Variants in PALS2 observed in about 807,000 individuals in gnomAD.
PALS2 encodes the protein protein associated with LIN7 2, MAGUK p55 family member, also known as protein PALS2.
A neutral mutation model predicts 61.6 loss-of-function variants in PALS2; 27 were observed. The ratio of observed to expected loss-of-function variants is 0.44; its 90% CI spans 0.32 to 0.60. PALS2 has a LOEUF of 0.60. PALS2 is among the 20% of genes least tolerant of loss of function. The pLI is 0.05. For missense variants in PALS2, 554 were observed against 639.4 expected (o/e 0.87, Z 1.44); for synonymous variants, 236 against 218.6 (o/e 1.08, Z -0.70).
intron 1 of PALS2, among the ~76,000 whole-genome samples, chr7:24,614,077 C>T (rs1375024922): frequency 1.3e-5 from 2 of 151,818 alleles, no homozygotes; most frequent in African/African-American, 4.8e-5. Flanking sequence ...CATTAATACA[C>T]TGATTTCCTG....
chr7:24,636,427 T>G (rs912018172), intron 2 of PALS2, among the ~76,000 whole-genome samples: 2 of 152,118 alleles, frequency 1.3e-5, no homozygotes, highest in African/African-American at 4.8e-5. Context: ...CTGAGTGAAG[T>G]TGTGTGTCTT....
chr7:24,590,068 A>G (rs1783225332), intron 1 of PALS2, among the ~76,000 whole-genome samples: 1 of 152,146 alleles, frequency 6.6e-6, no homozygotes, highest in African/African-American at 2.4e-5. Flanking sequence ...CATACATCTT[A>G]GAAAGCATAT....
chr7:24,579,153 A>G (rs1195429361), intron 1 of PALS2, among the ~76,000 whole-genome samples: 3 of 152,234 alleles, frequency 2.0e-5, no homozygotes, highest in Non-Finnish European at 4.4e-5. Flanking sequence ...AGGAAATGCA[A>G]GTGTTTTGTA....
rs4000763 is a variant in PALS2, at chr7:24,599,525, T to TTTTTTG, written c.-2-24141_-2-24140insTTTTTG. Among the ~76,000 whole-genome samples the TTTTTTG allele has an allele frequency of 3.8e-4, 55 of 143,696 alleles. 1 individual carries two copies. Among genetic ancestry groups the TTTTTTG allele is most frequent in the African/African-American group, 9.1e-4 (35 of 38,298 alleles). 94.3% of individuals were successfully genotyped at this position (143,696 alleles called of 152,430 possible). A position where few individuals can be genotyped will look rare whatever the true frequency, so the allele number is the denominator to read the frequency against. ...ATAAGCTTTTTTTTTTTTTTTTTTT[T>TTTTTTG]ATGGAGTCTTGCCCTGTCACCCAGG... On this transcript the variant is annotated intron_variant, in intron 1 of 11. Transcript: ENST00000222644.
At chr7:24,597,316 G>T (rs1041907378) in intron 1 of PALS2, 1 of 152,182 alleles carries the variant, frequency 6.6e-6, no homozygotes, top group Admixed American at 6.6e-5. Context: ...GTGATAGTCT[G>T]TCCTTAAATA....
intron 1 of PALS2, among the ~76,000 whole-genome samples, chr7:24,619,384 T>A (rs1245934959): frequency 2.6e-5 from 4 of 152,054 alleles, no homozygotes; most frequent in Admixed American, 2.0e-4. Context: ...AACTGAAGAG[T>A]CTAGATTAAA....
At chr7:24,634,755 CTT>C (rs1041884218) in intron 2 of PALS2, among the ~76,000 whole-genome samples, 1 of 152,158 alleles carries the variant, frequency 6.6e-6, no homozygotes, top group African/African-American at 2.4e-5. Flanking sequence ...CAACTTCTGT[CTT>C]TTACATGTGC....
intron 9 of PALS2, among the ~76,000 whole-genome samples, chr7:24,672,427 C>T (rs2128091553): frequency 6.6e-6 from 1 of 152,028 alleles, no homozygotes; most frequent in South Asian, 2.1e-4. Context: ...GACTTGCTTT[C>T]ACCATGTTGG....
intron 1 of PALS2, among the ~76,000 whole-genome samples, chr7:24,585,848 G>A (rs1340705215): frequency 3.9e-5 from 6 of 152,034 alleles, no homozygotes; most frequent in Admixed American, 1.3e-4. Flanking sequence ...CCAGGCGCCC[G>A]CCACCTGCCT....
chr7:24,602,192 A>C (rs906082906), intron 1 of PALS2, among the ~76,000 whole-genome samples: 2 of 151,856 alleles, frequency 1.3e-5, no homozygotes, highest in Non-Finnish European at 2.9e-5. Flanking sequence ...TTTATTTTCT[A>C]AGAGCTCTTT....
At chr7:24,638,487 C>T (rs1286859795) in intron 2 of PALS2, among the ~76,000 whole-genome samples, 1 of 76,478 alleles carries the variant, frequency 1.3e-5, no homozygotes, top group Non-Finnish European at 2.1e-5. Context: ...CCCGCCACTA[C>T]GCCCGGCTAA....
chr7:24,675,285 T>C (rs1184742521), intron 9 of PALS2, among the ~76,000 whole-genome samples: 1 of 152,174 alleles, frequency 6.6e-6, no homozygotes, highest in Non-Finnish European at 1.5e-5. Context: ...ATTTTTAAAA[T>C]TAATGTTCAC....
chr7:24,641,007 CAAAAAA>C lies in PALS2; in HGVS notation c.118-691_118-686del, dbSNP rs35912373. Among the ~76,000 whole-genome samples, 343 of 67,084 alleles carry C rather than the reference CAAAAAA, an allele frequency of 5.1e-3. 1 individual carries two copies. Among genetic ancestry groups the C allele is most frequent in the Middle Eastern group, 0.029 (4 of 140 alleles). The allele number at this position is 67,084 out of a possible 152,430, so 44.0% of individuals were successfully genotyped here. On this transcript the variant is annotated intron_variant, in intron 2 of 11. Transcript: ENST00000222644. ...TGGGCAACAGTGCGAGACTCCATCTCAAAAAAAAAAAAAAAAAAAAAAAGAATTACT... is the reference window on the plus strand; with the variant it reads ...TGGGCAACAGTGCGAGACTCCATCTCAAAAAAAAAAAAAAAAAGAATTACT...
In PALS2 at chr7:24,676,667, T is replaced by C. The variant is rs373973620; in HGVS notation, c.1115-2464T>C. Among the ~76,000 whole-genome samples, 19 of 151,862 alleles carry C rather than the reference T, an allele frequency of 1.3e-4. No individual in the cohort carries two copies. The East Asian group carries it at 3.1e-3, about 25-fold the overall frequency. Reference sequence around the variant, plus strand: ...CCATTGCTTGTTTTTCTCAGGTTTGTCAAAGATCAGATAGTTGTAGATACG... The same window carrying C: ...CCATTGCTTGTTTTTCTCAGGTTTGCCAAAGATCAGATAGTTGTAGATACG... On this transcript the variant is annotated intron_variant, in intron 9 of 11. Coordinates refer to ENST00000222644, the MANE Select transcript of PALS2 (RefSeq NM_001303037.2).
In PALS2 at chr7:24,687,281, G is replaced by A. The variant is rs1332076030; in HGVS notation, c.1447-157G>A. Reference sequence around the variant, plus strand: ...AAGAATAAGACATGAACAGATGGCAGTGTTGTCTTTAACACTATATGGATT... The same window carrying A: ...AAGAATAAGACATGAACAGATGGCAATGTTGTCTTTAACACTATATGGATT... On this transcript the variant is annotated intron_variant, in intron 11 of 11. Transcript: ENST00000222644. The surrounding 1 kb of genome is among the most constrained non-coding windows in gnomAD (Gnocchi z 4.5). Among the ~76,000 whole-genome samples, 3 of 152,222 alleles carry A rather than the reference G, an allele frequency of 2.0e-5. No homozygotes were observed. Among genetic ancestry groups the A allele is most frequent in the Non-Finnish European group, 4.4e-5 (3 of 68,044 alleles).
intron 5 of PALS2, among the ~76,000 whole-genome samples, chr7:24,663,323 G>A (rs1786835748): frequency 6.6e-6 from 1 of 152,086 alleles, no homozygotes; most frequent in East Asian, 1.9e-4. Flanking sequence ...GAAGAAAAGT[G>A]GAAGAATGGT....
chr7:24,616,900 T>G (rs897224206), intron 1 of PALS2, among the ~76,000 whole-genome samples: 1 of 152,148 alleles, frequency 6.6e-6, no homozygotes, highest in African/African-American at 2.4e-5. Context: ...GAGGACTGTT[T>G]GGATTTTATC....
In PALS2 at chr7:24,688,575, G is replaced by T. The variant is rs1398658918; in HGVS notation, c.*961G>T. ...GATGTTTAGAGATGCCTCTAAGTTTGCAGTTGGAGGTTTTTGTGCTTTTAG... is the reference window on the plus strand; with the variant it reads ...GATGTTTAGAGATGCCTCTAAGTTTTCAGTTGGAGGTTTTTGTGCTTTTAG... On this transcript the variant is annotated 3_prime_UTR_variant, in exon 12 of 12. Coordinates refer to ENST00000222644, the MANE Select transcript of PALS2 (RefSeq NM_001303037.2). The T allele has an allele frequency of 1.3e-5, 2 of 152,084 alleles. No individual in the cohort carries two copies. The highest frequency in any genetic ancestry group is 4.8e-5 in the African/African-American group (2 of 41,436). The allele number at this position is 152,084 out of a possible 1,614,324, so 9.4% of individuals were successfully genotyped here.
At chr7:24,597,618 G>C (rs1485990396) in intron 1 of PALS2, among the ~76,000 whole-genome samples, 1 of 152,118 alleles carries the variant, frequency 6.6e-6, no homozygotes, top group Non-Finnish European at 1.5e-5. Flanking sequence ...AAGTTTTAGA[G>C]GAATAACCCA....
Sources: gnomAD v4.1 joint callset for allele counts (sites outside exome capture counted in the v4.1 genomes callset) on GRCh38, gnomAD v4.1.1 for gene constraint, Gnocchi (gnomAD v3.1) non-coding constraint, MANE v1.5 for transcripts, NCBI Gene and HGNC (gene_info 2026-07-23, HGNC 2026-07-21) for gene names.